The following TTC27 variants were observed in gnomAD, a reference collection of about 807,000 sequenced individuals.
TTC27 encodes tetratricopeptide repeat domain 27, also known as tetratricopeptide repeat protein 27.
A neutral mutation model predicts 115.9 loss-of-function variants in TTC27; 79 were observed. The ratio of observed to expected loss-of-function variants is 0.68; its 90% CI spans 0.57 to 0.82. TTC27 has a LOEUF of 0.82. Among genes scored for constraint, TTC27 ranks in the 40% least tolerant of loss-of-function variants. The probability of loss-of-function intolerance (pLI) is 0.00; values close to 1 mark genes in which losing one functional copy is unlikely to be tolerated. For missense variants in TTC27, 1,054 were observed against 993.1 expected (o/e 1.06, Z -0.82); for synonymous variants, 401 against 356.0 (o/e 1.13, Z -1.42).
chr2:32,772,369 G>C (rs1400170047), intron 13 of TTC27, among the ~76,000 whole-genome samples: 1 of 152,070 alleles, frequency 6.6e-6, no homozygotes, highest in East Asian at 1.9e-4. Context: ...TTCCCTTCCA[G>C]TTCTTCAAAC....
At chr2:32,648,146 A>G (rs957748738) in intron 4 of TTC27, among the ~76,000 whole-genome samples, 7 of 151,250 alleles carry the variant, frequency 4.6e-5, no homozygotes, top group African/African-American at 1.7e-4. Context: ...TTTTTTTTTG[A>G]GACGGAGTTT....
chr2:32,669,384 A>G (rs55921488), intron 7 of TTC27, among the ~76,000 whole-genome samples: 1 of 152,256 alleles, frequency 6.6e-6, no homozygotes, highest in African/African-American at 2.4e-5. Flanking sequence ...TACAAGTTGT[A>G]TGCTGTAGGT....
intron 10 of TTC27, among the ~76,000 whole-genome samples, chr2:32,705,452 G>A (rs1362186620): frequency 6.6e-6 from 1 of 152,078 alleles, no homozygotes; most frequent in East Asian, 1.9e-4. Context: ...ATAGGTTTTA[G>A]CATTTATTCT....
chr2:32,818,848 T>G (rs1671592183), intron 19 of TTC27, among the ~76,000 whole-genome samples: 1 of 152,178 alleles, frequency 6.6e-6, no homozygotes, highest in Non-Finnish European at 1.5e-5. Context: ...GGTTTGATCT[T>G]TTCAGATCAA....
rs200755624 is a variant in TTC27, at chr2:32,736,810, C to G, written c.1446C>G (p.His482Gln). 1.2e-6 allele frequency: 2 copies of G among 1,613,688 alleles called. No individual in the cohort carries two copies. Among genetic ancestry groups the G allele is most frequent in the South Asian group, 2.2e-5 (2 of 91,046 alleles). The change falls in exon 12 of 20, where the codon CAC (histidine) becomes CAG (glutamine). Residue 482 changes from histidine to glutamine, a missense_variant. Coordinates refer to ENST00000317907, the MANE Select transcript of TTC27 (RefSeq NM_017735.5). ...TTTGTTATGAAAGAGCCGGGCAGCA[C>G]GGAAAGGTATGTAATAGTCCAATTT... ...VVICYERAGQ[H>Q]GKAEEILRQE...
At chr2:32,724,146 C>T (rs1668033611) in intron 10 of TTC27, among the ~76,000 whole-genome samples, 2 of 151,854 alleles carry the variant, frequency 1.3e-5, no homozygotes, top group South Asian at 4.2e-4. Flanking sequence ...AGCAGGGTCC[C>T]CTGGAGAAGT....
At chr2:32,640,067 C>T (rs567337163) in intron 3 of TTC27, among the ~76,000 whole-genome samples, 25 of 152,250 alleles carry the variant, frequency 1.6e-4, no homozygotes, top group African/African-American at 6.0e-4. Flanking sequence ...AGATGGGTGG[C>T]CATCCATCAG....
At chr2:32,682,752 T>C (rs1321533347) in intron 9 of TTC27, among the ~76,000 whole-genome samples, 1 of 144,502 alleles carries the variant, frequency 6.9e-6, no homozygotes, top group South Asian at 2.3e-4. Flanking sequence ...CATTGCAGCC[T>C]CCACCTCCTG....
chr2:32,657,577 A>G (rs1665376447), intron 5 of TTC27, among the ~76,000 whole-genome samples: 2 of 151,828 alleles, frequency 1.3e-5, no homozygotes, highest in Admixed American at 1.3e-4. Context: ...TTTCAGACCC[A>G]TTTAAATTTC....
intron 13 of TTC27, among the ~76,000 whole-genome samples, chr2:32,774,204 CAG>C (rs1345261798): frequency 7.7e-6 from 1 of 129,610 alleles, no homozygotes; most frequent in Non-Finnish European, 1.6e-5. Flanking sequence ...TTTTTTGAGA[CAG>C]AGTCTCATTT....
At chr2:32,636,282 C>T (rs544717463) in intron 3 of TTC27, among the ~76,000 whole-genome samples, 7 of 152,198 alleles carry the variant, frequency 4.6e-5, no homozygotes, top group East Asian at 1.9e-4. Flanking sequence ...GGTGCGATCT[C>T]GGCTCACTGC....
At chr2:32,809,391 A>C (rs1202364500) in intron 16 of TTC27, among the ~76,000 whole-genome samples, 2 of 152,214 alleles carry the variant, frequency 1.3e-5, no homozygotes, top group Non-Finnish European at 2.9e-5. Flanking sequence ...CCTGCAGTTC[A>C]CGGTAAAATT....
At chr2:32,753,429 C>CTTTTTTTTTTTTTT (rs776515945) in intron 12 of TTC27, among the ~76,000 whole-genome samples, 11 of 72,850 alleles carry the variant, frequency 1.5e-4, no homozygotes, top group African/African-American at 4.5e-4. Context: ...AATCAAATGC[C>CTTTTTTTTTTTTTT]TTTTTTTTTT....
At chr2:32,712,681 C>T (rs545349441) in intron 10 of TTC27, among the ~76,000 whole-genome samples, 82 of 152,006 alleles carry the variant, frequency 5.4e-4, no homozygotes, top group African/African-American at 1.8e-3. Context: ...CCTTAGCCTC[C>T]CAACTACAGG....
At chr2:32,694,811 C>T (rs1226171320) in intron 9 of TTC27, among the ~76,000 whole-genome samples, 4 of 151,476 alleles carry the variant, frequency 2.6e-5, no homozygotes, top group Admixed American at 1.3e-4. Flanking sequence ...TAGCTGGTAC[C>T]AGAGGTGTGC....
intron 5 of TTC27, among the ~76,000 whole-genome samples, chr2:32,656,985 C>CTTTT (rs11386617): frequency 7.6e-6 from 1 of 131,462 alleles, no homozygotes; most frequent in African/African-American, 2.8e-5. Context: ...TAGCACAATT[C>CTTTT]TTTTTTTTTT....
At position 32,654,797 on chromosome 2, in the gene TTC27, G is replaced by A. The variant is rs535257986; in HGVS notation, c.640+4564G>A. On this transcript the variant is annotated intron_variant, in intron 5 of 19. Transcript: ENST00000317907. The stretch of plus-strand genomic sequence containing the variant: ...TGCAACCTCTGTCTCCCGGGTTCAT[G>A]AGATTCTCCTTCCTCAGCCTCCCAA... Among the ~76,000 whole-genome samples, 20 of 151,464 alleles carry A rather than the reference G, an allele frequency of 1.3e-4. No individual in the cohort carries two copies. In the South Asian group the frequency reaches 4.2e-3, roughly 32 times the overall value.
chr2:32,709,351 A>G (rs949845652), intron 10 of TTC27, among the ~76,000 whole-genome samples: 3 of 152,196 alleles, frequency 2.0e-5, no homozygotes, highest in African/African-American at 7.2e-5. Context: ...TATGGTTAAT[A>G]TCACTGGTGA....
At chr2:32,735,983 G>A (rs960197634) in intron 11 of TTC27, among the ~76,000 whole-genome samples, 5 of 152,098 alleles carry the variant, frequency 3.3e-5, no homozygotes, top group Non-Finnish European at 5.9e-5. Context: ...AGTAGTAAAA[G>A]TATACTTAAG....
Sources: allele counts gnomAD v4.1 joint callset (sites outside exome capture counted in the v4.1 genomes callset), GRCh38; gene constraint gnomAD v4.1.1; transcripts MANE v1.5; gene names NCBI Gene and HGNC (gene_info 2026-07-23, HGNC 2026-07-21).